HEATR5A: variants seen among roughly 807,000 people sequenced by gnomAD.
HEATR5A encodes the protein HEAT repeat-containing protein 5A.
HEATR5A carries 178 observed loss-of-function variants against 218.8 expected under a neutral mutation model. That is an observed-to-expected ratio of 0.81 (90% CI 0.72 to 0.92). HEATR5A has a LOEUF of 0.92. Ranked by LOEUF, HEATR5A falls within the 40% of genes least tolerant of loss-of-function variation. The pLI, the probability that HEATR5A is intolerant of heterozygous loss-of-function variation, is 0.00. For missense variants in HEATR5A, 2,420 were observed against 2,418.9 expected, an observed-to-expected ratio of 1.00 and a Z score of -0.01; for synonymous variants, 864 against 871.6, an observed-to-expected ratio of 0.99 and a Z score of 0.15.
chr14:31,396,691 T>C (rs2030667190), intron 4 of HEATR5A, among the ~76,000 whole-genome samples: 1 of 152,346 alleles, frequency 6.6e-6, no homozygotes, highest in South Asian at 2.1e-4. Flanking sequence ...AACTTTTCTT[T>C]TATTCCAGTT....
Position 31,293,949 on chromosome 14 carries a change from G to A in HEATR5A, c.5775C>T (p.Ile1925=). The change falls in exon 35 of 36, where the codon ATC becomes ATT. Residue 1925 remains isoleucine, a synonymous_variant. Transcript: ENST00000543095. ...RKPENTAELE[I]FQEGIKVLET... ...CTAAGACCTTTATGCCTTCTTGGAA[G>A]ATCTCAAGCTCAGCAGTGTTTTCAG... The A allele has an allele frequency of 6.2e-7, 1 of 1,608,302 alleles. No homozygotes were observed. The highest frequency in any genetic ancestry group is 8.5e-7 in the Non-Finnish European group (1 of 1,177,194).
chr14:31,381,968 A>G (rs2030003761), intron 10 of HEATR5A, among the ~76,000 whole-genome samples: 1 of 152,188 alleles, frequency 6.6e-6, no homozygotes, highest in Non-Finnish European at 1.5e-5. Context: ...TCTAAAGAAG[A>G]AGGCTAGTGT....
intron 22 of HEATR5A, among the ~76,000 whole-genome samples, chr14:31,332,423 A>G (rs930465931): frequency 4.6e-5 from 7 of 152,222 alleles, no homozygotes; most frequent in Non-Finnish European, 8.8e-5. Flanking sequence ...AGGCCAATGA[A>G]TAACACCGCA....
intron 13 of HEATR5A, among the ~76,000 whole-genome samples, chr14:31,365,823 T>C (rs1305915929): frequency 6.6e-6 from 1 of 151,336 alleles, no homozygotes; most frequent in Non-Finnish European, 1.5e-5. Context: ...GGCCATCATG[T>C]CTGGCTAATT....
chr14:31,394,160 G>A lies in HEATR5A; in HGVS notation c.664C>T (p.Leu222=). ...GAACCTTCAAAGGACTTAAAACACA[G>A]TGTGGCCACACTGTCCAGGTCCGTA... ...WSTDLDSVAT[L]CFKSFEGSNY... Residue 222 remains leucine (L), a synonymous_variant, in exon 6 of 36, where the codon CTG becomes TTG. Coordinates refer to ENST00000543095, the MANE Select transcript of HEATR5A (RefSeq NM_015473.4). The A allele has an allele frequency of 1.3e-6, 2 of 1,534,524 alleles. No homozygotes were observed. Among genetic ancestry groups the A allele is most frequent in the Non-Finnish European group, 1.7e-6 (2 of 1,145,674 alleles).
chr14:31,400,705 CTAA>C (rs988498935), intron 2 of HEATR5A, among the ~76,000 whole-genome samples, 193 bp from the exon 3 acceptor site: 12 of 152,248 alleles, frequency 7.9e-5, no homozygotes, highest in African/African-American at 2.4e-4. Context: ...TGCTGCCCTG[CTAA>C]TAATAAAAAA....
At chr14:31,406,256 G>A (rs1010279734) in intron 1 of HEATR5A, among the ~76,000 whole-genome samples, 3 of 152,000 alleles carry the variant, frequency 2.0e-5, no homozygotes, top group Non-Finnish European at 4.4e-5. Context: ...AGATTATAAG[G>A]TGATTTCCTA....
Position 31,296,049 on chromosome 14 carries a change from G to A in HEATR5A, c.5479C>T (p.Gln1827Ter). Residue 1827 changes from glutamine to a stop codon, truncating the protein, a stop_gained, in exon 34 of 36, where the codon CAA (glutamine) becomes TAA (stop). Transcript: ENST00000543095. LOFTEE classifies it high-confidence loss of function. ...DCWDPVDETH[Q>*]ELDEVSLLTA... is the part of the protein sequence containing the mutation. ...AGTAGACTGACTTCATCAAGTTCTT[G>A]GTGTGTTTCATCAACTAAAGAGAAA... The A allele has an allele frequency of 6.2e-7, 1 of 1,613,088 alleles. No homozygotes were observed. The highest frequency in any genetic ancestry group is 8.5e-7 in the Non-Finnish European group (1 of 1,179,320).
chr14:31,364,944 G>A (rs185943926), intron 13 of HEATR5A, among the ~76,000 whole-genome samples: 37 of 151,950 alleles, frequency 2.4e-4, no homozygotes, highest in Middle Eastern at 6.8e-3. Flanking sequence ...GTATGATCTC[G>A]GCTCACTGCA....
chr14:31,406,079 A>G (rs190112223), intron 1 of HEATR5A, among the ~76,000 whole-genome samples: 21 of 152,346 alleles, frequency 1.4e-4, no homozygotes, highest in Non-Finnish European at 2.2e-4. Context: ...GGCATTTTGC[A>G]AACAGATGGC....
Position 31,323,680 on chromosome 14 carries a change from A to G in HEATR5A, c.3672T>C (p.Ala1224=), listed in dbSNP as rs369894584. The part of the protein sequence containing the change: ...KSHPFTNPRW[A]TRVFAAECVC... ...CACATTCAGCAGCAAAGACTCTAGT[A>G]GCCCATCGGGGATTGGTAAAAGGAT... The change falls in exon 24 of 36, where the codon GCT becomes GCC. Residue 1224 remains alanine (A), a synonymous_variant. Coordinates refer to ENST00000543095, the MANE Select transcript of HEATR5A (RefSeq NM_015473.4). The G allele has an allele frequency of 2.8e-5, 45 of 1,613,820 alleles. No individual in the cohort carries two copies. In the African/African-American group the frequency reaches 4.4e-4, roughly 16 times the overall value.
chr14:31,303,739 C>T (rs549478259), intron 32 of HEATR5A, among the ~76,000 whole-genome samples: 1 of 151,992 alleles, frequency 6.6e-6, no homozygotes, highest in East Asian at 1.9e-4. Flanking sequence ...TGCAGTTGAA[C>T]CATGAAGAAA....
At chr14:31,408,603 A>G (rs2031161952) in intron 1 of HEATR5A, among the ~76,000 whole-genome samples, 1 of 152,068 alleles carries the variant, frequency 6.6e-6, no homozygotes, top group South Asian at 2.1e-4. Flanking sequence ...CTGGCTTGAC[A>G]ATTTATGTGA....
chr14:31,318,105 A>G lies in HEATR5A; in HGVS notation c.4038+119T>C, dbSNP rs542844076. 1.5e-5 allele frequency: 12 copies of G among 778,136 alleles called. No individual in the cohort carries two copies. In the South Asian group the frequency reaches 1.7e-4, roughly 11 times the overall value. 48.2% of individuals were successfully genotyped at this position (778,136 alleles called of 1,614,324 possible). On this transcript the variant is annotated intron_variant, in intron 26 of 35. Transcript: ENST00000543095. ...AAAAGGAAGAGTAAGTTTAAGAAGA[A>G]AAGTGTAAGCTATGATTGACGGTAA...
Position 31,394,149 on chromosome 14 carries a change from C to G in HEATR5A, c.675G>C (p.Lys225Asn). 6.5e-7 allele frequency: 1 copy of G among 1,534,968 alleles called. No homozygotes were observed. Among genetic ancestry groups the G allele is most frequent in the Non-Finnish European group, 8.7e-7 (1 of 1,145,958 alleles). ...DLDSVATLCF[K>N]SFEGSNYDVR... ...CATCATAATTGGAACCTTCAAAGGACTTAAAACACAGTGTGGCCACACTGT... is the reference window on the plus strand; with the variant it reads ...CATCATAATTGGAACCTTCAAAGGAGTTAAAACACAGTGTGGCCACACTGT... The change falls in exon 6 of 36, where the codon AAG (lysine) becomes AAC (asparagine). Residue 225 changes from lysine (K) to asparagine (N), a missense_variant. Transcript: ENST00000543095.
Position 31,402,916 on chromosome 14 carries a change from A to G in HEATR5A, c.60T>C (p.Val20=). 6.5e-6 allele frequency: 10 copies of G among 1,536,392 alleles called. No homozygotes were observed. Among genetic ancestry groups the G allele is most frequent in the Non-Finnish European group, 8.7e-6 (10 of 1,146,892 alleles). The stretch of plus-strand genomic sequence containing the variant: ...ACTCAAAAATAAACTCTGCCTTCTG[A>G]ACTTCACCTAGTTGATTGTATGCTT... The part of the protein sequence containing the change: ...NEEAYNQLGE[V]QKAEFIFEWL... Residue 20 remains valine (V), a synonymous_variant, in exon 2 of 36, where the codon GTT becomes GTC. Coordinates refer to ENST00000543095, the MANE Select transcript of HEATR5A (RefSeq NM_015473.4).
At chr14:31,372,182 C>T (rs912376736) in intron 12 of HEATR5A, among the ~76,000 whole-genome samples, 4 of 149,400 alleles carry the variant, frequency 2.7e-5, no homozygotes, top group Non-Finnish European at 5.9e-5. Context: ...TTACTCAGCC[C>T]TCAAGCTTAG....
chr14:31,302,248 C>T, intron 33 of HEATR5A, 47 bp downstream of exon 33: 1 of 1,368,942 alleles, frequency 7.3e-7, no homozygotes, highest in Admixed American at 2.0e-5. Context: ...AACTCTTCTT[C>T]TCACTTTTTA....
At chr14:31,406,520 A>G (rs1389166692) in intron 1 of HEATR5A, among the ~76,000 whole-genome samples, 2 of 152,250 alleles carry the variant, frequency 1.3e-5, no homozygotes, top group East Asian at 1.9e-4. Flanking sequence ...AGATGAGGAC[A>G]TTGAAGCACA....
Sources: gnomAD v4.1 joint callset for allele counts (sites outside exome capture counted in the v4.1 genomes callset) on GRCh38, gnomAD v4.1.1 for gene constraint, MANE v1.5 for transcripts, NCBI Gene and HGNC (gene_info 2026-07-23, HGNC 2026-07-21) for gene names.